The following ASTN2 variants were observed in gnomAD, a reference collection of about 807,000 sequenced individuals.
The protein encoded by ASTN2 is astrotactin-2.
A neutral mutation model predicts 139.8 loss-of-function variants in ASTN2; 54 were observed. That is an observed-to-expected ratio of 0.39 (90% confidence interval 0.31 to 0.48). The LOEUF is 0.48. Among genes scored for constraint, ASTN2 ranks in the 20% least tolerant of loss-of-function variants. The probability of loss-of-function intolerance (pLI) is 0.95; values close to 1 mark genes in which losing one functional copy is unlikely to be tolerated. For synonymous variants in ASTN2, 756 were observed against 719.5 expected (o/e 1.05, Z -0.81); for missense variants, 1,565 against 1,725.1 (o/e 0.91, Z 1.64).
chr9:117,199,352 C>G (rs1161887741), intron 3 of ASTN2, among the ~76,000 whole-genome samples: 2 of 151,958 alleles, frequency 1.3e-5, no homozygotes, highest in East Asian at 3.9e-4. Context: ...CTGCATATGG[C>G]TAGCCAGCAC....
At chr9:117,385,533 G>C (rs1830374343) in intron 1 of ASTN2, among the ~76,000 whole-genome samples, 1 of 152,054 alleles carries the variant, frequency 6.6e-6, no homozygotes, top group African/African-American at 2.4e-5. Flanking sequence ...GAAACAGGCA[G>C]TCAGGCAAGG....
intron 11 of ASTN2, among the ~76,000 whole-genome samples, chr9:116,863,195 G>A (rs1832936324): frequency 6.6e-6 from 1 of 152,046 alleles, no homozygotes; most frequent in Admixed American, 6.5e-5. Flanking sequence ...TTCTCTTCCG[G>A]ACCACACCAA....
intron 13 of ASTN2, among the ~76,000 whole-genome samples, chr9:116,746,867 C>T (rs1014077269): frequency 6.6e-6 from 1 of 152,178 alleles, no homozygotes; most frequent in African/African-American, 2.4e-5. Context: ...TTATTCACTG[C>T]TGTGCACCCA....
At chr9:116,932,757 G>A (rs1293465911) in intron 10 of ASTN2, among the ~76,000 whole-genome samples, 5 of 152,106 alleles carry the variant, frequency 3.3e-5, no homozygotes, top group Non-Finnish European at 7.3e-5. Flanking sequence ...TGTACTTCCA[G>A]CACTTTGAGA....
chr9:117,414,067 G>C lies in ASTN2; in HGVS notation c.442+430C>G, dbSNP rs1432922481. Among the ~76,000 whole-genome samples the C allele has an allele frequency of 6.6e-6, 1 of 152,192 alleles. No individual in the cohort carries two copies. Among genetic ancestry groups the C allele is most frequent in the Non-Finnish European group, 1.5e-5 (1 of 68,034 alleles). On this transcript the variant is annotated intron_variant, in intron 1 of 22. Transcript: ENST00000313400. This position sits in a 1 kb window ranked among gnomAD's most constrained non-coding sequence, Gnocchi z 4.2. ...CTGGAAGGGCAGAACCCGCAACTCCGAGGCGAGAGCGAGGGGGCGGTGACG... is the reference window on the plus strand; with the variant it reads ...CTGGAAGGGCAGAACCCGCAACTCCCAGGCGAGAGCGAGGGGGCGGTGACG...
At chr9:116,608,868 C>A (rs576248130) in intron 19 of ASTN2, among the ~76,000 whole-genome samples, 1 of 152,114 alleles carries the variant, frequency 6.6e-6, no homozygotes, top group East Asian at 1.9e-4. Context: ...GTAACTATAT[C>A]CCATATGTAA....
intron 19 of ASTN2, among the ~76,000 whole-genome samples, chr9:116,504,637 A>G (rs918608212): frequency 6.6e-6 from 1 of 152,164 alleles, no homozygotes; most frequent in Non-Finnish European, 1.5e-5. Flanking sequence ...AGCATTCACA[A>G]TGTTAGATAC....
At chr9:117,294,270 T>G (rs1024626696) in intron 1 of ASTN2, among the ~76,000 whole-genome samples, 10 of 152,286 alleles carry the variant, frequency 6.6e-5, no homozygotes, top group Non-Finnish European at 1.5e-4. Flanking sequence ...TTGAGCTCTT[T>G]GTTTGCTACA....
At chr9:117,265,996 A>G (rs1460864018) in intron 2 of ASTN2, among the ~76,000 whole-genome samples, 1 of 152,184 alleles carries the variant, frequency 6.6e-6, no homozygotes. Context: ...TCTCTTCCAT[A>G]AGATTTGCTC....
chr9:116,437,680 C>A (rs1396985297), intron 22 of ASTN2: 1 of 451,422 alleles, frequency 2.2e-6, no homozygotes. Context: ...AACTGGAATG[C>A]CTTCCTCTGT....
At chr9:117,357,665 C>G (rs141720086) in intron 1 of ASTN2, among the ~76,000 whole-genome samples, 36 of 152,142 alleles carry the variant, frequency 2.4e-4, no homozygotes, top group African/African-American at 8.7e-4. Flanking sequence ...TCCTTGGAAC[C>G]ACAGGAGATT....
chr9:116,438,196 T>C (rs1486960083), intron 22 of ASTN2, among the ~76,000 whole-genome samples: 1 of 152,238 alleles, frequency 6.6e-6, no homozygotes, highest in Non-Finnish European at 1.5e-5. Flanking sequence ...GCTGTCTTCC[T>C]GGGACTATTA....
intron 3 of ASTN2, among the ~76,000 whole-genome samples, chr9:117,189,642 C>T (rs898123780): frequency 6.6e-6 from 1 of 152,110 alleles, no homozygotes; most frequent in Non-Finnish European, 1.5e-5. Flanking sequence ...CAAGTAATCC[C>T]ATTTTAGAGG....
At chr9:116,492,567 G>A (rs954099243) in intron 19 of ASTN2, among the ~76,000 whole-genome samples, 1 of 152,110 alleles carries the variant, frequency 6.6e-6, no homozygotes. Flanking sequence ...TTGACTCCTG[G>A]AGTCTCGGAG....
At chr9:116,993,458 TCACACACA>T (rs139297526) in intron 7 of ASTN2, among the ~76,000 whole-genome samples, 1 of 148,224 alleles carries the variant, frequency 6.7e-6, no homozygotes, top group African/African-American at 2.5e-5. Flanking sequence ...TCTACAGGCT[TCACACACA>T]CACACACACA....
intron 10 of ASTN2, among the ~76,000 whole-genome samples, chr9:116,896,103 CA>C (rs1227917167): frequency 6.6e-6 from 1 of 152,050 alleles, no homozygotes; most frequent in Non-Finnish European, 1.5e-5. Context: ...TTCTATTTGC[CA>C]AGCACAGAAC....
At chr9:116,703,506 C>T (rs1022400601) in intron 16 of ASTN2, among the ~76,000 whole-genome samples, 12 of 147,090 alleles carry the variant, frequency 8.2e-5, no homozygotes, top group African/African-American at 1.3e-4. Context: ...TATTCTCACT[C>T]ATAGGTGGGA....
chr9:116,625,827 AG>A (rs1410702399), intron 17 of ASTN2, among the ~76,000 whole-genome samples: 1 of 151,990 alleles, frequency 6.6e-6, no homozygotes, highest in Non-Finnish European at 1.5e-5. Context: ...ACTGAACTCT[AG>A]GAAGGAGGTG....
intron 10 of ASTN2, among the ~76,000 whole-genome samples, chr9:116,957,822 A>G (rs1362744904): frequency 6.6e-6 from 1 of 152,228 alleles, no homozygotes; most frequent in Non-Finnish European, 1.5e-5. Context: ...CTAGGACTAC[A>G]GGCACATGCC....
Sources: gnomAD v4.1 joint callset for allele counts (sites outside exome capture counted in the v4.1 genomes callset) on GRCh38, gnomAD v4.1.1 for gene constraint, Gnocchi (gnomAD v3.1) non-coding constraint, MANE v1.5 for transcripts, NCBI Gene and HGNC (gene_info 2026-07-23, HGNC 2026-07-21) for gene names.